The following PBX3 variants were observed in gnomAD, a reference collection of about 807,000 sequenced individuals.
PBX3 encodes the protein pre-B-cell leukemia transcription factor 3.
Under a neutral mutation model 48.5 loss-of-function variants are expected in PBX3, and 14 were observed. The observed-to-expected ratio is 0.29, with a 90% CI of 0.19 to 0.45. PBX3 has a LOEUF of 0.45. PBX3 is among the 20% of genes least tolerant of loss of function. The probability of loss-of-function intolerance (pLI) is 1.00; values close to 1 mark genes in which losing one functional copy is unlikely to be tolerated. For missense variants in PBX3, 386 were observed against 546.7 expected, an observed-to-expected ratio of 0.71 and a Z score of 2.93; for synonymous variants, 210 against 200.3, an observed-to-expected ratio of 1.05 and a Z score of -0.41.
At chr9:125,923,941 T>C (rs1349163711) in intron 3 of PBX3, among the ~76,000 whole-genome samples, 1 of 152,076 alleles carries the variant, frequency 6.6e-6, no homozygotes, top group Non-Finnish European at 1.5e-5. Flanking sequence ...CATAGCTGAC[T>C]TCAGCCTTGA....
chr9:125,928,418 GTGTGTT>G lies in PBX3; in HGVS notation c.517-1235_517-1230del, dbSNP rs1178830569. ...TGTGTGTGTGTGTGTGTGTGTGTGT[GTGTGTT>G]TTTGTGTATGTACTGAAAGAGACAA... On this transcript the variant is annotated intron_variant, in intron 3 of 8. Coordinates refer to ENST00000373489, the MANE Select transcript of PBX3 (RefSeq NM_006195.6). 5.6e-3 allele frequency among the ~76,000 whole-genome samples: 832 copies of G among 148,632 alleles called. 9 individuals are homozygous for G. The highest frequency in any genetic ancestry group is 0.02 in the African/African-American group (787 of 38,846).
At chr9:125,826,736 TA>T (rs1838818886) in intron 2 of PBX3, among the ~76,000 whole-genome samples, 1 of 152,194 alleles carries the variant, frequency 6.6e-6, no homozygotes, top group African/African-American at 2.4e-5. Flanking sequence ...ATTATGGACA[TA>T]TTTTTTAATT....
At chr9:125,944,462 C>T (rs1842025574) in intron 5 of PBX3, among the ~76,000 whole-genome samples, 1 of 152,156 alleles carries the variant, frequency 6.6e-6, no homozygotes, top group African/African-American at 2.4e-5. Context: ...GGGTTCTTCT[C>T]CCCAAGAAAT....
At chr9:125,914,894 T>C (rs886651651) in intron 2 of PBX3, among the ~76,000 whole-genome samples, 2 of 152,234 alleles carry the variant, frequency 1.3e-5, no homozygotes, top group Non-Finnish European at 2.9e-5. Context: ...AACCTATGAA[T>C]TGTCAGCTAT....
chr9:125,793,057 T>A (rs1392576096), intron 2 of PBX3, among the ~76,000 whole-genome samples: 5 of 151,712 alleles, frequency 3.3e-5, no homozygotes, highest in African/African-American at 4.8e-5. Context: ...TGATAAGTTT[T>A]AAAAAAATAT....
At chr9:125,950,184 G>A (rs938390449) in intron 5 of PBX3, among the ~76,000 whole-genome samples, 10 of 152,178 alleles carry the variant, frequency 6.6e-5, no homozygotes, top group Admixed American at 6.5e-5. Context: ...TACTGTGGCC[G>A]CAAGGCTGAC....
At chr9:125,842,019 A>G (rs1839302228) in intron 2 of PBX3, among the ~76,000 whole-genome samples, 1 of 152,214 alleles carries the variant, frequency 6.6e-6, no homozygotes, top group Admixed American at 6.5e-5. Context: ...TTTATAATTC[A>G]GAAAGCATGG....
At chr9:125,804,467 A>G (rs941722050) in intron 2 of PBX3, among the ~76,000 whole-genome samples, 1 of 152,130 alleles carries the variant, frequency 6.6e-6, no homozygotes, top group African/African-American at 2.4e-5. Context: ...ACCATTTTCT[A>G]GGGACACCGT....
intron 2 of PBX3, among the ~76,000 whole-genome samples, chr9:125,789,928 G>A (rs1474909326): frequency 6.6e-6 from 1 of 152,164 alleles, no homozygotes; most frequent in African/African-American, 2.4e-5. Context: ...AGAGCATTCA[G>A]GATTGAGAAG....
chr9:125,885,565 C>G (rs771958106), intron 2 of PBX3, among the ~76,000 whole-genome samples: 14 of 152,052 alleles, frequency 9.2e-5, no homozygotes, highest in Non-Finnish European at 1.6e-4. Context: ...AGTTTGCTAG[C>G]AGGGCGACAG....
At chr9:125,960,137 G>A (rs1032522775) in intron 5 of PBX3, among the ~76,000 whole-genome samples, 7 of 152,250 alleles carry the variant, frequency 4.6e-5, no homozygotes, top group African/African-American at 1.2e-4. Flanking sequence ...CATGTTAACT[G>A]GCAGAGCTTG....
chr9:125,777,546 T>A (rs1287839860), intron 2 of PBX3, among the ~76,000 whole-genome samples: 2 of 151,324 alleles, frequency 1.3e-5, no homozygotes, highest in Non-Finnish European at 2.9e-5. Flanking sequence ...TGTATTTTAG[T>A]AGAGACGGGG....
intron 2 of PBX3, among the ~76,000 whole-genome samples, chr9:125,867,318 A>G (rs748759063): frequency 6.6e-6 from 1 of 152,180 alleles, no homozygotes; most frequent in Non-Finnish European, 1.5e-5. Context: ...TGCTGGAGGA[A>G]TAACTATTCA....
intron 2 of PBX3, among the ~76,000 whole-genome samples, chr9:125,837,774 T>C (rs1051082449): frequency 4.6e-5 from 7 of 152,146 alleles, no homozygotes; most frequent in African/African-American, 1.7e-4. Context: ...GTATTTTTAG[T>C]AGAGACAGGG....
intron 2 of PBX3, among the ~76,000 whole-genome samples, chr9:125,765,064 G>A (rs1472821550): frequency 3.9e-5 from 6 of 151,968 alleles, no homozygotes; most frequent in Admixed American, 1.3e-4. Flanking sequence ...GGCTCCAGAA[G>A]CAGATTATAT....
chr9:125,912,023 T>A (rs1488385212), intron 2 of PBX3, among the ~76,000 whole-genome samples: 1 of 152,136 alleles, frequency 6.6e-6, no homozygotes, highest in Admixed American at 6.6e-5. Flanking sequence ...AGGTTAGTCA[T>A]GGTCCAGTGG....
rs531969870 is a variant in PBX3 at position 125,788,769 on chromosome 9, G to A, written c.274+40146G>A. On this transcript the variant is annotated intron_variant, in intron 2 of 8. Transcript: ENST00000373489. The stretch of plus-strand genomic sequence containing the variant: ...ATGCGCTTGTACTCCCAGCTACTTG[G>A]GAGGCTGTGGCAGGAGAATGGCTTG... Among the ~76,000 whole-genome samples, 6 of 152,162 alleles carry A rather than the reference G, an allele frequency of 3.9e-5. No individual in the cohort carries two copies. The South Asian group carries it at 1.2e-3, about 32-fold the overall frequency.
chr9:125,774,889 T>A (rs77147724), intron 2 of PBX3, among the ~76,000 whole-genome samples: 1 of 151,874 alleles, frequency 6.6e-6, no homozygotes, highest in Non-Finnish European at 1.5e-5. Flanking sequence ...TTTTTTTTTT[T>A]AAGACAGAGT....
At chr9:125,794,342 C>T (rs1319194968) in intron 2 of PBX3, among the ~76,000 whole-genome samples, 2 of 152,078 alleles carry the variant, frequency 1.3e-5, no homozygotes, top group East Asian at 1.9e-4. Flanking sequence ...ACAAGATTCC[C>T]AGGTAATCAT....
Sources: allele counts gnomAD v4.1 joint callset (sites outside exome capture counted in the v4.1 genomes callset), GRCh38; gene constraint gnomAD v4.1.1; transcripts MANE v1.5; gene names NCBI Gene and HGNC (gene_info 2026-07-23, HGNC 2026-07-21).